Variants in SPTLC3 observed in about 807,000 individuals in gnomAD.
The protein encoded by SPTLC3 is serine palmitoyltransferase long chain base subunit 3.
Under a neutral mutation model 59.3 loss-of-function variants are expected in SPTLC3, and 36 were observed. That is an observed-to-expected ratio of 0.61 (90% confidence interval 0.47 to 0.80). The LOEUF (loss-of-function observed/expected upper bound fraction) is 0.80, where lower values mean the gene tolerates loss of function less well. SPTLC3 is among the 30% of genes least tolerant of loss of function. The pLI, the probability that SPTLC3 is intolerant of heterozygous loss-of-function variation, is 0.00. For missense variants in SPTLC3, 625 were observed against 685.1 expected (o/e 0.91, Z 0.98); for synonymous variants, 257 against 240.8 (o/e 1.07, Z -0.62).
chr20:13,058,857 G>A lies in SPTLC3; in HGVS notation c.303+9727G>A, dbSNP rs181700693. ...CCCAGATTCATTCTGCTCATCACAC[G>A]ACACCCAATAAGTTGACAGACATGG... On this transcript the variant is annotated intron_variant, in intron 2 of 11. Transcript: ENST00000399002. Among the ~76,000 whole-genome samples, 137 of 152,270 alleles carry A rather than the reference G, an allele frequency of 9.0e-4. 2 individuals are homozygous for A. The highest frequency in any genetic ancestry group is 3.3e-3 in the South Asian group (16 of 4,822).
intron 8 of SPTLC3, among the ~76,000 whole-genome samples, chr20:13,119,557 A>C (rs1488961225): frequency 6.6e-6 from 1 of 152,178 alleles, no homozygotes; most frequent in African/African-American, 2.4e-5. Flanking sequence ...TCATTTTCTT[A>C]TCTCTTAAAA....
chr20:13,164,721 A>T, intron 11 of SPTLC3, 33 bp from the exon 12 acceptor site: 1 of 1,562,218 alleles, frequency 6.4e-7, no homozygotes, highest in Non-Finnish European at 8.8e-7. Flanking sequence ...TTAGGTGTTC[A>T]ATGATAGCTA....
At position 13,164,755 on chromosome 20, in the gene SPTLC3, T is replaced by A. The variant is rs1211154882; in HGVS notation, c.1547T>A (p.Val516Asp). ...TATTGGAAAGCAATCTCATTGCAGG[T>A]TTTAGAAGCTCTTGATGAAATGGGT... ...AAHTREMLDT[V>D]LEALDEMGDL... The change falls in exon 12 of 12, where the codon GTT (valine) becomes GAT (aspartate). Residue 516 changes from valine to aspartate, a missense_variant and splice_region_variant. Val to Asp is a radical substitution (Grantham distance 152). Coordinates refer to ENST00000399002, the MANE Select transcript of SPTLC3 (RefSeq NM_018327.4). 6.2e-7 allele frequency: 1 copy of A among 1,612,604 alleles called. No individual in the cohort carries two copies. The highest frequency in any genetic ancestry group is 1.7e-5 in the Admixed American group (1 of 59,966).
intron 9 of SPTLC3, among the ~76,000 whole-genome samples, chr20:13,145,741 A>G (rs190136102): frequency 3.9e-5 from 6 of 152,210 alleles, no homozygotes; most frequent in African/African-American, 1.2e-4. Flanking sequence ...TTCACACTAT[A>G]CTACAAGGCT....
rs369809435 is a variant in SPTLC3, at chr20:13,042,666, T to G, written c.118-6279T>G. On this transcript the variant is annotated intron_variant, in intron 1 of 11. Coordinates refer to ENST00000399002, the MANE Select transcript of SPTLC3 (RefSeq NM_018327.4). ...TCAAAGAAATACCATAACCCTTGCC[T>G]GAAGCAGGGGACAGGAAGCCTCATC... 2.6e-5 allele frequency among the ~76,000 whole-genome samples: 4 copies of G among 152,186 alleles called. No homozygotes were observed. The East Asian group carries it at 5.8e-4, about 22-fold the overall frequency.
intron 1 of SPTLC3, among the ~76,000 whole-genome samples, chr20:13,043,525 A>G (rs1366260623): frequency 6.6e-6 from 1 of 152,340 alleles, no homozygotes; most frequent in East Asian, 1.9e-4. Flanking sequence ...CTAGAGCACA[A>G]GAAGTGACTG....
At chr20:13,150,330 TG>T (rs1033466392) in intron 9 of SPTLC3, among the ~76,000 whole-genome samples, 111 of 152,232 alleles carry the variant, frequency 7.3e-4, no homozygotes, top group African/African-American at 6.0e-4. Flanking sequence ...AAATTCCTTT[TG>T]TTTTTTTAGC....
intron 10 of SPTLC3, among the ~76,000 whole-genome samples, chr20:13,156,716 A>G (rs1457521895): frequency 6.6e-6 from 1 of 152,212 alleles, no homozygotes; most frequent in Admixed American, 6.5e-5. Flanking sequence ...AGTAATGTGT[A>G]CAAAGCACTT....
intron 4 of SPTLC3, among the ~76,000 whole-genome samples, chr20:13,085,672 A>G (rs749206426): frequency 2.6e-5 from 4 of 152,234 alleles, no homozygotes; most frequent in Non-Finnish European, 5.9e-5. Context: ...TTATTAACAA[A>G]TGTCAATATG....
At chr20:13,119,439 G>A (rs1257258424) in intron 8 of SPTLC3, among the ~76,000 whole-genome samples, 1 of 152,132 alleles carries the variant, frequency 6.6e-6, no homozygotes, top group African/African-American at 2.4e-5. Flanking sequence ...TTAAGATGTA[G>A]GCGTTCTTGT....
chr20:13,013,069 T>A (rs988182413), intron 1 of SPTLC3, among the ~76,000 whole-genome samples: 1 of 152,326 alleles, frequency 6.6e-6, no homozygotes, highest in Admixed American at 6.5e-5. Flanking sequence ...GAGAGACTTT[T>A]CTCAATTCAG....
chr20:13,094,635 A>C (rs1367053511), intron 6 of SPTLC3, among the ~76,000 whole-genome samples: 2 of 152,114 alleles, frequency 1.3e-5, no homozygotes, highest in Admixed American at 6.6e-5. Context: ...GCAATCTTAA[A>C]CCAAAGAACA....
chr20:13,073,760 G>T, intron 3 of SPTLC3: 1 of 572,058 alleles, frequency 1.7e-6, no homozygotes, highest in Admixed American at 2.2e-5. Flanking sequence ...TTCCAGACAC[G>T]GTCCAAAGAG....
Position 13,085,505 on chromosome 20 carries a change from G to A in SPTLC3, c.608-5578G>A, listed in dbSNP as rs184713059. 3.7e-3 allele frequency among the ~76,000 whole-genome samples: 556 copies of A among 152,236 alleles called. 2 individuals carry two copies. Among genetic ancestry groups the A allele is most frequent in the African/African-American group, 0.013 (520 of 41,554 alleles). ...AGCTGGCAGTTCCCCATAATAAACCGCCTGCTCTTAGGCCAGGTCTAAGGA... is the reference window on the plus strand; with the variant it reads ...AGCTGGCAGTTCCCCATAATAAACCACCTGCTCTTAGGCCAGGTCTAAGGA... On this transcript the variant is annotated intron_variant, in intron 4 of 11. Transcript: ENST00000399002.
chr20:13,033,439 A>T (rs1287755626), intron 1 of SPTLC3, among the ~76,000 whole-genome samples: 3 of 152,206 alleles, frequency 2.0e-5, no homozygotes, highest in African/African-American at 7.2e-5. Context: ...TTCCAAGGTC[A>T]TCTTGGCCAT....
chr20:13,018,433 A>G (rs565807216), intron 1 of SPTLC3, among the ~76,000 whole-genome samples: 1 of 152,318 alleles, frequency 6.6e-6, no homozygotes, highest in East Asian at 1.9e-4. Flanking sequence ...TAAGCCCTTA[A>G]CCAGAGATGA....
At position 13,167,388 on chromosome 20, in the gene SPTLC3, A is replaced by T. The variant is rs1431969616; in HGVS notation, c.*2521A>T. On this transcript the variant is annotated 3_prime_UTR_variant, in exon 12 of 12. Coordinates refer to ENST00000399002, the MANE Select transcript of SPTLC3 (RefSeq NM_018327.4). The stretch of plus-strand genomic sequence containing the variant: ...CAGAGCCAAAAATGTGTCTTTGGTT[A>T]GATCTGTTGGAAAAGAGAATTTTCT... 6.6e-6 allele frequency: 1 copy of T among 150,446 alleles called. No individual in the cohort carries two copies. Among genetic ancestry groups the T allele is most frequent in the African/African-American group, 2.4e-5 (1 of 40,938 alleles). The allele number at this position is 150,446 out of a possible 1,614,324, so 9.3% of individuals were successfully genotyped here. A position where few individuals can be genotyped will look rare whatever the true frequency, so the allele number is the denominator to read the frequency against.
chr20:13,164,724 G>T, intron 11 of SPTLC3, 30 bp from the exon 12 acceptor site: 2 of 1,571,970 alleles, frequency 1.3e-6, no homozygotes, highest in South Asian at 2.3e-5. Context: ...GGTGTTCAAT[G>T]ATAGCTATTG....
chr20:13,038,822 T>C (rs932414967), intron 1 of SPTLC3, among the ~76,000 whole-genome samples: 6 of 152,156 alleles, frequency 3.9e-5, no homozygotes, highest in African/African-American at 1.4e-4. Flanking sequence ...CTATATCTAA[T>C]AAGTTTAGGT....
Sources: allele counts gnomAD v4.1 joint callset (sites outside exome capture counted in the v4.1 genomes callset), GRCh38; gene constraint gnomAD v4.1.1; transcripts MANE v1.5; gene names NCBI Gene and HGNC (gene_info 2026-07-23, HGNC 2026-07-21).